The following DLG2 variants were observed in gnomAD, a reference collection of about 807,000 sequenced individuals.
DLG2 encodes disks large homolog 2.
Under a neutral mutation model 132.5 loss-of-function variants are expected in DLG2, and 45 were observed. That is an observed-to-expected ratio of 0.34 (90% confidence interval 0.27 to 0.44). The LOEUF (loss-of-function observed/expected upper bound fraction) is 0.44, where lower values mean the gene tolerates loss of function less well. Ranked by LOEUF, DLG2 falls within the 20% of genes least tolerant of loss-of-function variation. The pLI is 1.00. For missense variants in DLG2, 1,045 were observed against 1,196.9 expected (o/e 0.87, Z 1.87); for synonymous variants, 424 against 419.6 (o/e 1.01, Z -0.13).
At chr11:84,080,686 T>C (rs2096889297) in intron 10 of DLG2, among the ~76,000 whole-genome samples, 1 of 152,202 alleles carries the variant, frequency 6.6e-6, no homozygotes, top group Non-Finnish European at 1.5e-5. Context: ...AATTCATTGT[T>C]TTCTGAAAGA....
chr11:84,636,844 C>T (rs1311140961), intron 6 of DLG2, among the ~76,000 whole-genome samples: 14 of 151,158 alleles, frequency 9.3e-5, no homozygotes, highest in African/African-American at 2.4e-4. Flanking sequence ...TGCAGTGGCA[C>T]GATTTTGGCA....
intron 9 of DLG2, among the ~76,000 whole-genome samples, chr11:84,123,507 G>C (rs576227420): frequency 7.2e-5 from 11 of 152,290 alleles, no homozygotes; most frequent in Non-Finnish European, 1.6e-4. Context: ...GGCAGATGAA[G>C]ACACTTTAAA....
chr11:85,080,925 T>A (rs2067151794), intron 6 of DLG2, among the ~76,000 whole-genome samples: 1 of 152,172 alleles, frequency 6.6e-6, no homozygotes, highest in Non-Finnish European at 1.5e-5. Flanking sequence ...GAATTGAGGA[T>A]GTTTTTCAAA....
chr11:83,541,897 C>A, intron 19 of DLG2, 39 bp from the exon 20 acceptor site: 1 of 1,542,526 alleles, frequency 6.5e-7, no homozygotes. Context: ...TTAGGAATCT[C>A]TGGCAGCACA....
intron 22 of DLG2, among the ~76,000 whole-genome samples, chr11:83,483,534 GA>G (rs927233460): frequency 3.2e-4 from 49 of 151,538 alleles, no homozygotes; most frequent in Non-Finnish European, 6.2e-4. Context: ...AAGATTGTAA[GA>G]AAAAAAAATT....
chr11:84,311,845 C>G (rs532980576), intron 7 of DLG2, among the ~76,000 whole-genome samples: 8 of 152,286 alleles, frequency 5.3e-5, no homozygotes, highest in African/African-American at 1.7e-4. Flanking sequence ...GCACAGGCAC[C>G]AAGGTGTTAC....
At chr11:85,078,074 G>A (rs891823147) in intron 6 of DLG2, among the ~76,000 whole-genome samples, 1 of 151,356 alleles carries the variant, frequency 6.6e-6, no homozygotes, top group South Asian at 2.1e-4. Flanking sequence ...AACATTCATG[G>A]AACACCCACT....
At chr11:83,710,140 T>G (rs2085048210) in intron 18 of DLG2, among the ~76,000 whole-genome samples, 1 of 151,448 alleles carries the variant, frequency 6.6e-6, no homozygotes, top group South Asian at 2.1e-4. Context: ...GTGGATGGAA[T>G]GAAGCCCAGC....
At chr11:85,553,608 G>A (rs1029731583) in intron 3 of DLG2, among the ~76,000 whole-genome samples, 16 of 151,298 alleles carry the variant, frequency 1.1e-4, no homozygotes, top group Non-Finnish European at 2.2e-4. Flanking sequence ...AATGATGTGT[G>A]GAGGAAACTA....
Position 85,021,463 on chromosome 11 carries a change from C to T in DLG2, c.357+90198G>A, listed in dbSNP as rs1054566126. 1.4e-5 allele frequency: 20 copies of T among 1,422,978 alleles called. 2 individuals are homozygous for T. Among genetic ancestry groups the T allele is most frequent in the South Asian group, 1.1e-4 (10 of 86,968 alleles). The allele number at this position is 1,422,978 out of a possible 1,614,324, so 88.1% of individuals were successfully genotyped here. A position where few individuals can be genotyped will look rare whatever the true frequency, so the allele number is the denominator to read the frequency against. ...GCCATCCTCTCCTGCTACAGCAGCCCGGGCATTTCTCTCATTAACATACTG... is the reference window on the plus strand; with the variant it reads ...GCCATCCTCTCCTGCTACAGCAGCCTGGGCATTTCTCTCATTAACATACTG... On this transcript the variant is annotated intron_variant, in intron 6 of 27. Transcript: ENST00000376104.
chr11:85,437,662 A>C (rs2091562671), intron 3 of DLG2, among the ~76,000 whole-genome samples: 1 of 152,188 alleles, frequency 6.6e-6, no homozygotes. Flanking sequence ...TAACAGCACA[A>C]ATTTTAGAGT....
rs78420158 is a variant in DLG2, at chr11:85,540,222, G to A, written c.40+58435C>T. Among the ~76,000 whole-genome samples, 851 of 152,216 alleles carry A rather than the reference G, an allele frequency of 5.6e-3. 10 individuals carry two copies. The highest frequency in any genetic ancestry group is 0.018 in the African/African-American group (747 of 41,546). On this transcript the variant is annotated intron_variant, in intron 3 of 27. Coordinates refer to ENST00000376104, the MANE Select transcript of DLG2 (RefSeq NM_001142699.3). Reference sequence around the variant, plus strand: ...AGTGAGGACAGCCACTCTTGTTTCCGTACCCAAATGTTGCATTTTCCAAGA... The same window carrying A: ...AGTGAGGACAGCCACTCTTGTTTCCATACCCAAATGTTGCATTTTCCAAGA...
intron 3 of DLG2, among the ~76,000 whole-genome samples, chr11:85,321,967 T>C (rs1353858246): frequency 6.6e-6 from 1 of 152,046 alleles, no homozygotes. Context: ...CGATGTTATA[T>C]TAAGGCTATA....
intron 6 of DLG2, among the ~76,000 whole-genome samples, chr11:85,006,801 G>A (rs2058701072): frequency 6.6e-6 from 1 of 151,998 alleles, no homozygotes; most frequent in South Asian, 2.1e-4. Flanking sequence ...TGCTTCTGTA[G>A]TTCTTTTTAA....
intron 6 of DLG2, among the ~76,000 whole-genome samples, chr11:84,734,950 G>A (rs1837959504): frequency 6.6e-6 from 1 of 152,072 alleles, no homozygotes; most frequent in African/African-American, 2.4e-5. Flanking sequence ...TTATTGATTT[G>A]CGTATGTTGA....
intron 11 of DLG2, among the ~76,000 whole-genome samples, chr11:84,038,052 G>C (rs192997833): frequency 7.2e-4 from 110 of 152,020 alleles, no homozygotes; most frequent in African/African-American, 2.4e-3. Context: ...GTTTGTGGTA[G>C]ATTATTTCAT....
intron 3 of DLG2, among the ~76,000 whole-genome samples, chr11:85,422,772 C>T (rs58422281): frequency 0.032 from 4,925 of 152,108 alleles, 282 homozygotes; most frequent in African/African-American, 0.11. Context: ...ACTACAGGCA[C>T]GAGACACCAC....
intron 5 of DLG2, chr11:85,132,941 GA>G: frequency 2.4e-6 from 1 of 419,286 alleles, no homozygotes; most frequent in Non-Finnish European, 4.8e-6. Context: ...CCCCTCATGG[GA>G]AACTCGAGCC....
At chr11:83,749,885 T>C (rs942006539) in intron 18 of DLG2, among the ~76,000 whole-genome samples, 1 of 152,206 alleles carries the variant, frequency 6.6e-6, no homozygotes, top group African/African-American at 2.4e-5. Context: ...ATAAAATAAG[T>C]GAAGCGTTTT....
Sources: allele counts gnomAD v4.1 joint callset (sites outside exome capture counted in the v4.1 genomes callset), GRCh38; gene constraint gnomAD v4.1.1; transcripts MANE v1.5; gene names NCBI Gene and HGNC (gene_info 2026-07-23, HGNC 2026-07-21).